Variants in DMD observed in about 807,000 individuals in gnomAD.
DMD encodes dystrophin.
DMD carries 63 observed loss-of-function variants against 330.1 expected under a neutral mutation model. The ratio of observed to expected loss-of-function variants is 0.19; its 90% CI spans 0.16 to 0.24. The LOEUF (loss-of-function observed/expected upper bound fraction) is 0.24, where lower values mean the gene tolerates loss of function less well. Among genes scored for constraint, DMD ranks in the 10% least tolerant of loss-of-function variants. The pLI, the probability that DMD is intolerant of heterozygous loss-of-function variation, is 1.00. For synonymous variants in DMD, 1,223 were observed against 959.8 expected (o/e 1.27, Z -5.07); for missense variants, 3,344 against 2,684.1 (o/e 1.25, Z -5.43).
upstream of DMD, among the ~76,000 whole-genome samples, chrX:33,212,265 A>G (rs910967964): frequency 8.9e-6 from 1 of 112,320 alleles, no homozygotes; most frequent in Non-Finnish European, 1.9e-5. Flanking sequence ...TCTGGTGCCA[A>G]TTCTTAAAAC....
intron 51 of DMD, among the ~76,000 whole-genome samples, chrX:31,754,582 G>A (rs1377507352): frequency 9.0e-6 from 1 of 110,764 alleles, no homozygotes; most frequent in Non-Finnish European, 1.9e-5. Context: ...CAAAACGAAT[G>A]TATTACCCCC....
intron 1 of DMD, among the ~76,000 whole-genome samples, chrX:33,303,103 T>C (rs1307741981): frequency 9.0e-6 from 1 of 111,729 alleles, no homozygotes; most frequent in African/African-American, 3.3e-5. Context: ...CATTTCTTTT[T>C]AGCAATGAAT....
At chrX:32,539,696 C>A (rs2048322255) in intron 17 of DMD, among the ~76,000 whole-genome samples, 1 of 111,864 alleles carries the variant, frequency 8.9e-6, no homozygotes, top group Non-Finnish European at 1.9e-5. Flanking sequence ...TATCTGTTAT[C>A]TATTTTCTTT....
intron 63 of DMD, among the ~76,000 whole-genome samples, chrX:31,223,987 G>A (rs1383037312): frequency 9.0e-5 from 10 of 111,520 alleles, no homozygotes; most frequent in Admixed American, 1.9e-4. Context: ...TGCAGTCACC[G>A]GTCTATCAAG....
chrX:33,153,270 C>T (rs2048360731), intron 1 of DMD, among the ~76,000 whole-genome samples: 1 of 112,245 alleles, frequency 8.9e-6, no homozygotes, highest in Non-Finnish European at 1.9e-5. Context: ...GTTAGCCGGG[C>T]ATGGTAGTGC....
intron 57 of DMD, among the ~76,000 whole-genome samples, chrX:31,495,212 C>T (rs1240990415): frequency 9.3e-6 from 1 of 107,351 alleles, no homozygotes; most frequent in Non-Finnish European, 1.9e-5. Context: ...TTATAATTTC[C>T]TATATCCTCT....
chrX:32,479,947 G>C (rs757041527), intron 21 of DMD, among the ~76,000 whole-genome samples: 1 of 110,938 alleles, frequency 9.0e-6, no homozygotes, highest in Non-Finnish European at 1.9e-5. Context: ...CACAGGAAAG[G>C]AAACTATTAA....
chrX:32,148,597 T>G (rs933066955), intron 44 of DMD, among the ~76,000 whole-genome samples: 12 of 107,613 alleles, frequency 1.1e-4, no homozygotes, highest in African/African-American at 4.1e-4. Context: ...TATCTCCCCT[T>G]TGATTAAAAA....
At chrX:31,899,142 T>G (rs2094388591) in intron 47 of DMD, among the ~76,000 whole-genome samples, 1 of 111,811 alleles carries the variant, frequency 8.9e-6, no homozygotes, top group Non-Finnish European at 1.9e-5. Context: ...TGCAGTGTGC[T>G]CCTCCAAACT....
In DMD at chrX:31,824,423, C is replaced by T. The variant is rs144790833; in HGVS notation, c.7201-4340G>A. On this transcript the variant is annotated intron_variant, in intron 49 of 78. Transcript: ENST00000357033. ...GATTACAGGCTCGCACCACCACACCCGGGTAATTTTTGTATTTTGTATTTC... is the reference window on the plus strand; with the variant it reads ...GATTACAGGCTCGCACCACCACACCTGGGTAATTTTTGTATTTTGTATTTC... Among the ~76,000 whole-genome samples, 662 of 110,296 alleles carry T rather than the reference C, an allele frequency of 6.0e-3. 7 individuals carry two copies. The highest frequency in any genetic ancestry group is 0.021 in the African/African-American group (630 of 30,333).
chrX:33,015,037 A>G (rs1196836472), intron 2 of DMD, among the ~76,000 whole-genome samples: 10 of 111,475 alleles, frequency 9.0e-5, no homozygotes, highest in Non-Finnish European at 5.7e-5. Flanking sequence ...GGGGCTGCGG[A>G]GAAAATGGAA....
chrX:32,820,644 G>A (rs769374529), intron 5 of DMD, among the ~76,000 whole-genome samples: 1 of 111,055 alleles, frequency 9.0e-6, no homozygotes, highest in East Asian at 2.8e-4. Context: ...TTGGAGCTCT[G>A]TGCATGCTTG....
intron 49 of DMD, among the ~76,000 whole-genome samples, chrX:31,828,258 C>A (rs1043116491): frequency 8.9e-6 from 1 of 111,936 alleles, no homozygotes; most frequent in African/African-American, 3.2e-5. Flanking sequence ...TACAAAAGAT[C>A]ATTCACTACT....
At chrX:31,296,250 G>A (rs1185446715) in intron 62 of DMD, among the ~76,000 whole-genome samples, 1 of 111,241 alleles carries the variant, frequency 9.0e-6, no homozygotes, top group Non-Finnish European at 1.9e-5. Context: ...CTCTATAATT[G>A]AATAGTCTTT....
At chrX:32,313,510 C>T (rs2097572016) in intron 41 of DMD, among the ~76,000 whole-genome samples, 1 of 111,524 alleles carries the variant, frequency 9.0e-6, no homozygotes. Context: ...GATGCCCTCT[C>T]TCACCACTCC....
intron 60 of DMD, among the ~76,000 whole-genome samples, chrX:31,390,755 C>G (rs772803421): frequency 8.9e-6 from 1 of 112,073 alleles, no homozygotes; most frequent in Non-Finnish European, 1.9e-5. Context: ...GGCCTCTTTG[C>G]TTCTACTCTT....
chrX:32,466,476 C>A (rs751616583), intron 23 of DMD, among the ~76,000 whole-genome samples: 25 of 111,273 alleles, frequency 2.2e-4, no homozygotes, highest in Non-Finnish European at 4.5e-4. Flanking sequence ...CCCAAGATGT[C>A]CTCACCCTAA....
intron 49 of DMD, among the ~76,000 whole-genome samples, chrX:31,831,597 G>GTATT (rs1213756815): frequency 9.0e-6 from 1 of 110,829 alleles, no homozygotes; most frequent in Non-Finnish European, 1.9e-5. Context: ...AAGCAAACTT[G>GTATT]TATTTATTTA....
At chrX:33,011,255 G>T (rs772053397) in intron 2 of DMD, among the ~76,000 whole-genome samples, 1 of 111,139 alleles carries the variant, frequency 9.0e-6, no homozygotes, top group Admixed American at 9.6e-5. Context: ...TCTTATTGTT[G>T]GCTCAACCAG....
Sources: allele counts gnomAD v4.1 joint callset (sites outside exome capture counted in the v4.1 genomes callset), GRCh38; gene constraint gnomAD v4.1.1; transcripts MANE v1.5; gene names NCBI Gene and HGNC (gene_info 2026-07-23, HGNC 2026-07-21).